Variants in PLEKHG5 observed in about 807,000 individuals in gnomAD.
PLEKHG5 encodes pleckstrin homology and RhoGEF domain containing G5.
PLEKHG5 carries 52 observed loss-of-function variants against 103.8 expected under a neutral mutation model. The observed-to-expected ratio is 0.50, with a 90% confidence interval of 0.40 to 0.63. The LOEUF is 0.63. Among genes scored for constraint, PLEKHG5 ranks in the 30% least tolerant of loss-of-function variants. PLEKHG5 has a pLI of 0.00. For synonymous variants in PLEKHG5, 592 were observed against 575.5 expected (o/e 1.03, Z -0.41); for missense variants, 1,205 against 1,347.6 (o/e 0.89, Z 1.66).
At position 6,469,763 on chromosome 1, in the gene PLEKHG5, G is replaced by C. The variant is rs3007420; in HGVS notation, c.1801-87C>G. The C allele has an allele frequency of 0.059, 79,928 of 1,362,194 alleles. 2,671 individuals carry two copies. Among genetic ancestry groups the C allele is most frequent in the African/African-American group, 0.11 (7,649 of 69,150 alleles). 84.4% of individuals were successfully genotyped at this position (1,362,194 alleles called of 1,614,324 possible). A position where few individuals can be genotyped will look rare whatever the true frequency, so the allele number is the denominator to read the frequency against. ...CACCAGCCTCCCCTGGGAGCACTCG[G>C]TTTTTGTCAAACACTCCTCCCACCA... On this transcript the variant is annotated intron_variant, in intron 16 of 20. Transcript: ENST00000377728.
exon 1 of PLEKHG5, chr1:6,519,646 G>T (rs969412179): frequency 1.4e-6 from 1 of 733,128 alleles, no homozygotes; most frequent in South Asian, 1.5e-5. Flanking sequence ...GCTTCTCCCC[G>T]ACTCAGCCCC....
At chr1:6,485,777 T>A in intron 1 of PLEKHG5, 16 of 575,360 alleles carry the variant, frequency 2.8e-5, no homozygotes, top group South Asian at 8.1e-5. Flanking sequence ...CAGCCCCGCC[T>A]CCGCCCAGTC....
intron 1 of PLEKHG5, among the ~76,000 whole-genome samples, chr1:6,517,867 T>G (rs1638666088): frequency 6.6e-6 from 1 of 152,158 alleles, no homozygotes; most frequent in Non-Finnish European, 1.5e-5. Flanking sequence ...GGTAGGAGAA[T>G]GTTACTGGAT....
At chr1:6,496,191 G>C (rs150796692), upstream of PLEKHG5, among the ~76,000 whole-genome samples, 1,279 of 152,344 alleles carry the variant, frequency 8.4e-3, 11 homozygotes, top group African/African-American at 0.029. Context: ...CCTCATCCGT[G>C]ACATAAGGCT....
chr1:6,485,777 T>G, intron 1 of PLEKHG5: 2 of 575,394 alleles, frequency 3.5e-6, no homozygotes, highest in Non-Finnish European at 4.3e-6. Context: ...CAGCCCCGCC[T>G]CCGCCCAGTC....
At chr1:6,499,376 C>T (rs1193742661), upstream of PLEKHG5, among the ~76,000 whole-genome samples, 2 of 152,212 alleles carry the variant, frequency 1.3e-5, no homozygotes, top group African/African-American at 4.8e-5. Context: ...TGGGGTCTAC[C>T]TGCCTGAACT....
chr1:6,467,672 C>T (rs1209969777), intron 20 of PLEKHG5, 100 bp from the exon 21 acceptor site: 11 of 1,468,912 alleles, frequency 7.5e-6, no homozygotes, highest in Non-Finnish European at 9.5e-6. Context: ...GGCCCCTTCA[C>T]TGCTGCCCAC....
chr1:6,491,758 A>G, upstream of PLEKHG5: 1 of 920,500 alleles, frequency 1.1e-6, no homozygotes, highest in Non-Finnish European at 1.3e-6. This position sits in a 1 kb window ranked among gnomAD's most constrained non-coding sequence, Gnocchi z 4.1. Flanking sequence ...CTCACAGGCC[A>G]TTGTTAAGCT....
intron 4 of PLEKHG5, 90 bp from the exon 5 acceptor site, chr1:6,475,228 C>A (rs1416310788): frequency 1.6e-6 from 1 of 627,320 alleles, no homozygotes; most frequent in Non-Finnish European, 2.8e-6. Flanking sequence ...ACCCTCCTTC[C>A]CAACCCTCCT....
chr1:6,504,197 G>A (rs999990152), intron 1 of PLEKHG5, among the ~76,000 whole-genome samples: 1 of 152,142 alleles, frequency 6.6e-6, no homozygotes, highest in African/African-American at 2.4e-5. Flanking sequence ...GCCTGCCCCC[G>A]ATCCCACCCT....
intron 1 of PLEKHG5, among the ~76,000 whole-genome samples, chr1:6,512,899 G>GA (rs920986986): frequency 1.3e-5 from 2 of 152,258 alleles, no homozygotes; most frequent in Middle Eastern, 3.4e-3. Flanking sequence ...GGTGGCCATG[G>GA]GGGGGTGAAT....
In PLEKHG5 at chr1:6,519,934, C is replaced by A. The variant is rs1274281291; in HGVS notation, c.-654G>T. Reference sequence around the variant, plus strand: ...TTCCAGGAAAGCAACACCACAGAGACCCCGGCCTCTGCAATCCCAGCAGCC... The same window carrying A: ...TTCCAGGAAAGCAACACCACAGAGAACCCGGCCTCTGCAATCCCAGCAGCC... On this transcript the variant is annotated 5_prime_UTR_variant, in exon 1 of 22. Coordinates refer to the PLEKHG5 transcript ENST00000377740. 1.8e-5 allele frequency: 5 copies of A among 280,640 alleles called. No homozygotes were observed. In the East Asian group the frequency reaches 3.7e-4, roughly 21 times the overall value. The allele number at this position is 280,640 out of a possible 1,614,324, so 17.4% of individuals were successfully genotyped here.
At chr1:6,514,025 G>C (rs1052211369) in intron 1 of PLEKHG5, among the ~76,000 whole-genome samples, 1 of 152,156 alleles carries the variant, frequency 6.6e-6, no homozygotes, top group African/African-American at 2.4e-5. Flanking sequence ...TTTACATCTC[G>C]AGAAGCATAA....
chr1:6,474,957 C>A lies in PLEKHG5; in HGVS notation c.302+90G>T, dbSNP rs569870854. On this transcript the variant is annotated intron_variant, in intron 5 of 20. Transcript: ENST00000377728. The stretch of plus-strand genomic sequence containing the variant: ...GCTCACGGGCCACCACACAGACACA[C>A]ACGTCACACCTGCAGAGACCCGGAG... 265 of 854,590 alleles carry A rather than the reference C, an allele frequency of 3.1e-4. No homozygotes were observed. The African/African-American group carries it at 4.1e-3, about 13-fold the overall frequency. 52.9% of individuals were successfully genotyped at this position (854,590 alleles called of 1,614,324 possible).
upstream of PLEKHG5, among the ~76,000 whole-genome samples, chr1:6,498,928 C>G (rs2148629429): frequency 6.6e-6 from 1 of 152,344 alleles, no homozygotes; most frequent in Admixed American, 6.5e-5. Flanking sequence ...TGGGAGGAAG[C>G]TGACTTGAGG....
At position 6,470,523 on chromosome 1, in the gene PLEKHG5, T is replaced by G. The variant is rs747711931; in HGVS notation, c.1663A>C (p.Ser555Arg). ...ACGCCCACCTTGTCCACTTCGTCGC[T>G]GCTGCTTTCCACCACCTCGTAGGCG... ...IDAYEVVESS[S>R]DEVDKLLKEF... Residue 555 changes from serine (S) to arginine (R), a missense_variant, in exon 15 of 21, where the codon AGC (serine) becomes CGC (arginine). Physicochemically the swap from Ser to Arg is moderately radical, Grantham distance 110. Transcript: ENST00000377728. The G allele has an allele frequency of 6.2e-7, 1 of 1,609,426 alleles. No individual in the cohort carries two copies. Among genetic ancestry groups the G allele is most frequent in the Non-Finnish European group, 8.5e-7 (1 of 1,179,872 alleles).
rs183047788 is a variant in PLEKHG5, at chr1:6,488,095, T to C, written c.-88+3542A>G. Among the ~76,000 whole-genome samples, 442 of 152,254 alleles carry C rather than the reference T, an allele frequency of 2.9e-3. 4 individuals are homozygous for C. The highest frequency in any genetic ancestry group is 0.01 in the African/African-American group (429 of 41,516). On this transcript the variant is annotated intron_variant, in intron 1 of 20. Coordinates refer to ENST00000377728, the MANE Select transcript of PLEKHG5 (RefSeq NM_020631.6). ...GGCCCTGGGCAGGTGAGTTCCTACT[T>C]CAAATCGGGTGGTCTTGCCCCAGAC...
rs1224971946 is a variant in PLEKHG5, at chr1:6,469,103, A to G, written c.2188T>C (p.Ser730Pro). 2 of 1,612,838 alleles carry G rather than the reference A, an allele frequency of 1.2e-6. No homozygotes were observed. The highest frequency in any genetic ancestry group is 1.7e-6 in the Non-Finnish European group (2 of 1,179,938). The change falls in exon 19 of 21, where the codon TCA (serine) becomes CCA (proline). Residue 730 changes from serine to proline, a missense_variant. Transcript: ENST00000377728. The stretch of plus-strand genomic sequence containing the variant: ...ATGATGGTAGGGGAGCTGGCAGCTG[A>G]AGTGCCACTGTCCTCGCCTTCCTCC... ...EEEEGEDSGT[S>P]AASSPTIMRK... is the part of the protein sequence containing the mutation.
chr1:6,469,075 C>T lies in PLEKHG5; in HGVS notation c.2216G>A (p.Arg739Gln), dbSNP rs754583609. ...TSAASSPTIMRKSSGSPDSQH... is the reference protein window; with the variant it reads ...TSAASSPTIMQKSSGSPDSQH... ...AGAGTCGGGGCTGCCGCTGCTTTTC[C>T]GCATGATGGTAGGGGAGCTGGCAGC... Residue 739 changes from arginine (R) to glutamine (Q), a missense_variant, in exon 19 of 21, where the codon CGG (arginine) becomes CAG (glutamine). By Grantham distance (43) the Arg-to-Gln change is conservative. Transcript: ENST00000377728. 6.8e-6 allele frequency: 11 copies of T among 1,613,670 alleles called. No homozygotes were observed. Among genetic ancestry groups the T allele is most frequent in the Admixed American group, 5.0e-5 (3 of 60,000 alleles).
Sources: allele counts gnomAD v4.1 joint callset (sites outside exome capture counted in the v4.1 genomes callset), GRCh38; gene constraint gnomAD v4.1.1; non-coding constraint Gnocchi (gnomAD v3.1); transcripts MANE v1.5; gene names NCBI Gene and HGNC (gene_info 2026-07-23, HGNC 2026-07-21).